Variants in ALG11 observed in about 807,000 individuals in gnomAD.
ALG11 encodes GDP-Man:Man(3)GlcNAc(2)-PP-Dol alpha-1,2-mannosyltransferase.
In ALG11, 26 loss-of-function variants were observed where a neutral mutation model predicts 38.8. The observed-to-expected ratio is 0.67, with a 90% CI of 0.49 to 0.93. The LOEUF (loss-of-function observed/expected upper bound fraction) is 0.93, where lower values mean the gene tolerates loss of function less well. Among genes scored for constraint, ALG11 ranks in the 40% least tolerant of loss-of-function variants. The pLI is 0.00. For missense variants in ALG11, 535 were observed against 578.8 expected (o/e 0.92, Z 0.78); for synonymous variants, 199 against 211.6 (o/e 0.94, Z 0.52).
rs148269361 is a variant in ALG11, at chr13:52,030,112, G to T, written c.*1522G>T. ...TTAGAAAAAGATCTGAGCTCAACCA[G>T]GATGCTGAGCCAGCAAGCAGTCAAG... On this transcript the variant is annotated 3_prime_UTR_variant, in exon 4 of 4. Coordinates refer to ENST00000521508, the MANE Select transcript of ALG11 (RefSeq NM_001004127.3). 3.1e-6 allele frequency: 5 copies of T among 1,614,106 alleles called. No homozygotes were observed. In the Admixed American group the frequency reaches 8.3e-5, roughly 27 times the overall value.
chr13:52,021,808 G>A (rs1159346403), intron 2 of ALG11: 1 of 152,266 alleles, frequency 6.6e-6, no homozygotes, highest in African/African-American at 2.4e-5. Context: ...TCTCACTGAG[G>A]AGCTTCTTCA....
In ALG11 at chr13:52,030,073, G is replaced by A. The variant is rs951883528; in HGVS notation, c.*1483G>A. 6.2e-7 allele frequency: 1 copy of A among 1,614,206 alleles called. No homozygotes were observed. Among genetic ancestry groups the A allele is most frequent in the East Asian group, 2.2e-5 (1 of 44,884 alleles). ...AAGAAATTTTGTTGAGAGAATTTGA[G>A]GAAAGGCAATCCCTTAGAAAAAGAT... On this transcript the variant is annotated 3_prime_UTR_variant, in exon 4 of 4. Transcript: ENST00000521508.
At chr13:52,026,676 C>T (rs1477566861) in intron 3 of ALG11, among the ~76,000 whole-genome samples, 1 of 152,198 alleles carries the variant, frequency 6.6e-6, no homozygotes, top group East Asian at 1.9e-4. Flanking sequence ...ATGGTGTTGG[C>T]TTTCTCCCAG....
In ALG11 at chr13:52,029,588, A is replaced by G; in HGVS notation, c.*998A>G. 1.2e-6 allele frequency: 2 copies of G among 1,614,240 alleles called. No individual in the cohort carries two copies. The highest frequency in any genetic ancestry group is 2.2e-5 in the East Asian group (1 of 44,884). On this transcript the variant is annotated 3_prime_UTR_variant, in exon 4 of 4. Coordinates refer to ENST00000521508, the MANE Select transcript of ALG11 (RefSeq NM_001004127.3). Reference sequence around the variant, plus strand: ...AGTCGTGAAGAAAGGAAAGGCCAAGAAAGCCTTAAAAGAGTTTGAGCAGCT... The same window carrying G: ...AGTCGTGAAGAAAGGAAAGGCCAAGGAAGCCTTAAAAGAGTTTGAGCAGCT...
chr13:52,023,197 AT>A (rs1954200888), intron 2 of ALG11: 1 of 152,136 alleles, frequency 6.6e-6, no homozygotes, highest in South Asian at 2.1e-4. Flanking sequence ...TGTTTATAGT[AT>A]TTTATTACCA....
At position 52,030,775 on chromosome 13, in the gene ALG11, A is replaced by G. The variant is rs1954295240; in HGVS notation, c.*2185A>G. The G allele has an allele frequency of 6.2e-7, 1 of 1,614,238 alleles. No individual in the cohort carries two copies. The highest frequency in any genetic ancestry group is 8.5e-7 in the Non-Finnish European group (1 of 1,180,038). Reference sequence around the variant, plus strand: ...TCATTAAAGCCCCTGAGGGTCCTCCAAGAAAAGATAAGAATTTGCCAAATG... The same window carrying G: ...TCATTAAAGCCCCTGAGGGTCCTCCGAGAAAAGATAAGAATTTGCCAAATG... On this transcript the variant is annotated 3_prime_UTR_variant, in exon 4 of 4. Transcript: ENST00000521508.
At chr13:52,023,879 C>T (rs947996270) in intron 2 of ALG11, 127 bp from the exon 3 acceptor site, 49 of 752,006 alleles carry the variant, frequency 6.5e-5, no homozygotes, top group Non-Finnish European at 8.3e-5. Context: ...ACTGCAACCT[C>T]CGCCTCCTGG....
At chr13:52,025,201 A>T (rs1954229065) in intron 3 of ALG11, among the ~76,000 whole-genome samples, 2 of 152,170 alleles carry the variant, frequency 1.3e-5, no homozygotes, top group South Asian at 4.1e-4. Context: ...AACCCGTTTG[A>T]TAGGTGTTAT....
chr13:52,028,374 C>T lies in ALG11; in HGVS notation c.1263C>T (p.Gly421=), dbSNP rs1340128287. The part of the protein sequence containing the change: ...GTIILAHNSG[G]PKLDIVVPHE... Reference sequence around the variant, plus strand: ...TTATCCTTGCACACAATTCGGGGGGCCCAAAGCTTGACATTGTGGTTCCTC... The same window carrying T: ...TTATCCTTGCACACAATTCGGGGGGTCCAAAGCTTGACATTGTGGTTCCTC... Residue 421 remains glycine, a synonymous_variant, in exon 4 of 4, where the codon GGC becomes GGT. Coordinates refer to ENST00000521508, the MANE Select transcript of ALG11 (RefSeq NM_001004127.3). The T allele has an allele frequency of 1.2e-6, 2 of 1,613,918 alleles. No individual in the cohort carries two copies. Among genetic ancestry groups the T allele is most frequent in the Non-Finnish European group, 1.7e-6 (2 of 1,180,016 alleles).
chr13:52,026,246 AGAG>A (rs1171420716), intron 3 of ALG11, among the ~76,000 whole-genome samples: 1 of 152,224 alleles, frequency 6.6e-6, no homozygotes, highest in Non-Finnish European at 1.5e-5. Context: ...TAGCCAGGAG[AGAG>A]GGGAGAGTCT....
At chr13:52,017,127 T>G (rs1263326592) in intron 1 of ALG11, 1 of 152,230 alleles carries the variant, frequency 6.6e-6, no homozygotes, top group Non-Finnish European at 1.5e-5. Flanking sequence ...ATTTTGGACT[T>G]GCATGGGCCC....
intron 1 of ALG11, among the ~76,000 whole-genome samples, chr13:52,012,886 A>G (rs1481432609): frequency 6.6e-6 from 1 of 152,022 alleles, no homozygotes; most frequent in Non-Finnish European, 1.5e-5. Context: ...CTACTCTTAA[A>G]CTCACCAAAA....
In ALG11 at chr13:52,033,530, T is replaced by A. The variant is rs1954327589; in HGVS notation, c.*4940T>A. 6.0e-6 allele frequency: 1 copy of A among 167,084 alleles called. No individual in the cohort carries two copies. The highest frequency in any genetic ancestry group is 1.5e-5 in the Non-Finnish European group (1 of 68,110). The allele number at this position is 167,084 out of a possible 1,614,324, so 10.4% of individuals were successfully genotyped here. ...CATAGTCTCCTTGTTCTCCTACTAA[T>A]ATTCCCAAGCTCCATATGCCAATTA... On this transcript the variant is annotated 3_prime_UTR_variant, in exon 4 of 4. Coordinates refer to ENST00000521508, the MANE Select transcript of ALG11 (RefSeq NM_001004127.3).
At chr13:52,016,599 G>C (rs1431609214) in intron 1 of ALG11, 1 of 152,340 alleles carries the variant, frequency 6.6e-6, no homozygotes, top group African/African-American at 2.4e-5. Context: ...AGCTAGTGCT[G>C]TGGCTTCAGA....
rs746011351 is a variant in ALG11 at position 52,029,330 on chromosome 13, G to C, written c.*740G>C. ...TGCTCCCATTGAACATGCGCTCAGT[G>C]GCTGGAAGGCAAGAACTCCCCTGGA... is the stretch of plus-strand genomic sequence containing the variant. On this transcript the variant is annotated 3_prime_UTR_variant, in exon 4 of 4. Coordinates refer to ENST00000521508, the MANE Select transcript of ALG11 (RefSeq NM_001004127.3). 1.5e-5 allele frequency: 24 copies of C among 1,614,120 alleles called. No homozygotes were observed. The South Asian group carries it at 2.4e-4, about 16-fold the overall frequency.
At chr13:52,019,365 G>A (rs536683561) in intron 2 of ALG11, among the ~76,000 whole-genome samples, 1 of 151,856 alleles carries the variant, frequency 6.6e-6, no homozygotes, top group South Asian at 2.1e-4. Context: ...GGGACTACAG[G>A]TGCCCGCCAC....
rs1408555356 is a variant in ALG11 at position 52,029,136 on chromosome 13, C to T, written c.*546C>T. ...AAAAAGCAACTGAATAGAGTCAAATCAAAGAAGGTGGTGGAGTTACCTCTT... is the reference window on the plus strand; with the variant it reads ...AAAAAGCAACTGAATAGAGTCAAATTAAAGAAGGTGGTGGAGTTACCTCTT... On this transcript the variant is annotated 3_prime_UTR_variant, in exon 4 of 4. Coordinates refer to ENST00000521508, the MANE Select transcript of ALG11 (RefSeq NM_001004127.3). 1 of 1,614,180 alleles carries T rather than the reference C, an allele frequency of 6.2e-7. No homozygotes were observed. The highest frequency in any genetic ancestry group is 2.2e-5 in the East Asian group (1 of 44,880).
chr13:52,032,429 T>C lies in ALG11; in HGVS notation c.*3839T>C, dbSNP rs1346694950. On this transcript the variant is annotated 3_prime_UTR_variant, in exon 4 of 4. Transcript: ENST00000521508. ...AAAAGTGAATATATGTGTGAGCAGATATGGCTATAAAGACCTATAGCTTTT... is the reference window on the plus strand; with the variant it reads ...AAAAGTGAATATATGTGTGAGCAGACATGGCTATAAAGACCTATAGCTTTT... The C allele has an allele frequency of 6.0e-6, 1 of 167,122 alleles. No homozygotes were observed. The highest frequency in any genetic ancestry group is 2.4e-5 in the African/African-American group (1 of 41,468). 10.4% of individuals were successfully genotyped at this position (167,122 alleles called of 1,614,324 possible). A position where few individuals can be genotyped will look rare whatever the true frequency, so the allele number is the denominator to read the frequency against.
At chr13:52,014,217 G>T (rs1018142434) in intron 1 of ALG11, among the ~76,000 whole-genome samples, 1 of 152,146 alleles carries the variant, frequency 6.6e-6, no homozygotes, top group Non-Finnish European at 1.5e-5. Context: ...AAACAGAAAG[G>T]AGGAGCCACT....
Sources: allele counts gnomAD v4.1 joint callset (sites outside exome capture counted in the v4.1 genomes callset), GRCh38; gene constraint gnomAD v4.1.1; transcripts MANE v1.5; gene names NCBI Gene and HGNC (gene_info 2026-07-23, HGNC 2026-07-21).